ZNF609: variants seen among roughly 807,000 people sequenced by gnomAD.
ZNF609 encodes zinc finger protein 609.
A neutral mutation model predicts 109.5 loss-of-function variants in ZNF609; 11 were observed. That is an observed-to-expected ratio of 0.10 (90% CI 0.06 to 0.17). The LOEUF (loss-of-function observed/expected upper bound fraction) is 0.17, where lower values mean the gene tolerates loss of function less well. Ranked by LOEUF, ZNF609 falls within the 10% of genes least tolerant of loss-of-function variation. The probability of loss-of-function intolerance (pLI) is 1.00; values close to 1 mark genes in which losing one functional copy is unlikely to be tolerated. For missense variants in ZNF609, 1,559 were observed against 1,772.4 expected, an observed-to-expected ratio of 0.88 and a Z score of 2.16; for synonymous variants, 646 against 662.0, an observed-to-expected ratio of 0.98 and a Z score of 0.37.
chr15:64,554,355 C>G (rs1894540730), intron 2 of ZNF609, among the ~76,000 whole-genome samples: 2 of 152,130 alleles, frequency 1.3e-5, no homozygotes, highest in Non-Finnish European at 2.9e-5. Context: ...AAATTTTAGT[C>G]TCTTGGCCTA....
intron 2 of ZNF609, among the ~76,000 whole-genome samples, chr15:64,615,934 T>G (rs1330590238): frequency 6.6e-6 from 1 of 152,246 alleles, no homozygotes; most frequent in East Asian, 1.9e-4. Flanking sequence ...CTAACTTCCT[T>G]CTTGCGTTTT....
chr15:64,550,851 A>G (rs1595715274), intron 2 of ZNF609, among the ~76,000 whole-genome samples: 1 of 152,002 alleles, frequency 6.6e-6, no homozygotes, highest in Non-Finnish European at 1.5e-5. Flanking sequence ...AAAAAAAAAA[A>G]AAAAAGAAAC....
intron 2 of ZNF609, among the ~76,000 whole-genome samples, chr15:64,584,647 T>C (rs933856410): frequency 2.6e-5 from 4 of 151,766 alleles, no homozygotes; most frequent in African/African-American, 9.7e-5. Flanking sequence ...ATTTCTTTTT[T>C]TGAGACGGAG....
At chr15:64,498,278 G>C (rs1893511981) in intron 1 of ZNF609, among the ~76,000 whole-genome samples, 2 of 152,088 alleles carry the variant, frequency 1.3e-5, no homozygotes, top group Non-Finnish European at 2.9e-5. Context: ...TTGAACTCCT[G>C]ACCTCAGGTG....
At chr15:64,585,496 T>A in intron 2 of ZNF609, among the ~76,000 whole-genome samples, 1 of 152,236 alleles carries the variant, frequency 6.6e-6, no homozygotes, top group Non-Finnish European at 1.5e-5. Flanking sequence ...TTCTGCTTTG[T>A]TTCTTTAAAA....
intron 2 of ZNF609, among the ~76,000 whole-genome samples, chr15:64,606,500 A>G (rs1895603505): frequency 6.8e-6 from 1 of 146,582 alleles, no homozygotes; most frequent in African/African-American, 2.5e-5. Flanking sequence ...CAGAGGTTGC[A>G]GTGAGCCGAG....
At position 64,675,744 on chromosome 15, in the gene ZNF609, C is replaced by T. The variant is rs752074206; in HGVS notation, c.2890C>T (p.Arg964Cys). Residue 964 changes from arginine to cysteine, a missense_variant, in exon 5 of 10, where the codon CGT (arginine) becomes TGT (cysteine). Coordinates refer to ENST00000326648, the MANE Select transcript of ZNF609 (RefSeq NM_015042.2). ...SSQQPSVIQQ[R>C]PNMYMQSLYY... ...TCAGCAGCCCTCGGTCATCCAGCAG[C>T]GTCCCAATATGTACATGCAGTCCCT... is the stretch of plus-strand genomic sequence containing the variant. 10 of 1,614,164 alleles carry T rather than the reference C, an allele frequency of 6.2e-6. No homozygotes were observed. The highest frequency in any genetic ancestry group is 4.5e-5 in the East Asian group (2 of 44,886).
At chr15:64,461,025 G>C (rs1688712269) in intron 1 of ZNF609, among the ~76,000 whole-genome samples, 187 bp downstream of exon 1, 1 of 138,504 alleles carries the variant, frequency 7.2e-6, no homozygotes, top group African/African-American at 2.7e-5. Flanking sequence ...TTGCGTGGGT[G>C]GGGGAGGGGG....
chr15:64,656,863 C>G (rs1306510644), intron 3 of ZNF609, among the ~76,000 whole-genome samples: 1 of 152,092 alleles, frequency 6.6e-6, no homozygotes, highest in Non-Finnish European at 1.5e-5. Context: ...CGACACCACC[C>G]TGCCCCCCAC....
intron 1 of ZNF609, among the ~76,000 whole-genome samples, chr15:64,464,231 C>G (rs894914331): frequency 6.6e-6 from 1 of 152,192 alleles, no homozygotes; most frequent in African/African-American, 2.4e-5. Context: ...ACTGATTGCT[C>G]TGTCAAGTGG....
intron 1 of ZNF609, among the ~76,000 whole-genome samples, chr15:64,464,620 G>A (rs1393825434): frequency 6.6e-6 from 1 of 152,142 alleles, no homozygotes; most frequent in African/African-American, 2.4e-5. Flanking sequence ...CCCACAAAAT[G>A]CAAAATATCG....
chr15:64,490,078 C>T (rs1893390686), intron 1 of ZNF609, among the ~76,000 whole-genome samples: 1 of 152,126 alleles, frequency 6.6e-6, no homozygotes, highest in Admixed American at 6.5e-5. Flanking sequence ...CCCATCTCAG[C>T]CTACCAAGTA....
chr15:64,665,731 ACCC>A (rs1022400221), intron 3 of ZNF609, among the ~76,000 whole-genome samples: 14 of 152,002 alleles, frequency 9.2e-5, no homozygotes, highest in Non-Finnish European at 2.1e-4. Context: ...ACATGGAGAA[ACCC>A]CATATCTACT....
At chr15:64,578,776 A>C (rs1400571095) in intron 2 of ZNF609, among the ~76,000 whole-genome samples, 2 of 152,212 alleles carry the variant, frequency 1.3e-5, no homozygotes, top group African/African-American at 2.4e-5. Flanking sequence ...AGGCGCATGG[A>C]TTGCGTGAGC....
At chr15:64,598,148 T>A (rs1895428932) in intron 2 of ZNF609, among the ~76,000 whole-genome samples, 1 of 152,216 alleles carries the variant, frequency 6.6e-6, no homozygotes, top group South Asian at 2.1e-4. Context: ...ATAGTCTCGC[T>A]CTGTCACCCA....
chr15:64,552,103 CA>C (rs1306068556), intron 2 of ZNF609, among the ~76,000 whole-genome samples: 1 of 151,898 alleles, frequency 6.6e-6, no homozygotes, highest in African/African-American at 2.4e-5. Flanking sequence ...ATGTGATTAG[CA>C]AATATTTTCT....
intron 3 of ZNF609, among the ~76,000 whole-genome samples, chr15:64,632,800 A>C (rs1030315272): frequency 2.6e-5 from 4 of 151,256 alleles, no homozygotes; most frequent in Non-Finnish European, 5.9e-5. Context: ...TTTCAGATAG[A>C]GTCTTGGTTT....
chr15:64,508,931 C>A (rs747515446), intron 2 of ZNF609, among the ~76,000 whole-genome samples: 5 of 151,994 alleles, frequency 3.3e-5, no homozygotes, highest in African/African-American at 7.3e-5. Context: ...TAACTTCAAG[C>A]GATCCTCCTG....
At chr15:64,465,851 C>T (rs548074489) in intron 1 of ZNF609, among the ~76,000 whole-genome samples, 2 of 151,906 alleles carry the variant, frequency 1.3e-5, no homozygotes, top group Admixed American at 1.3e-4. Flanking sequence ...CGCAGTGGCT[C>T]ATGCCTGTAA....
Sources: allele counts gnomAD v4.1 joint callset (sites outside exome capture counted in the v4.1 genomes callset), GRCh38; gene constraint gnomAD v4.1.1; transcripts MANE v1.5; gene names NCBI Gene and HGNC (gene_info 2026-07-23, HGNC 2026-07-21).